ST7: variants seen among roughly 807,000 people sequenced by gnomAD.
ST7 encodes the protein suppressor of tumorigenicity 7 protein.
A neutral mutation model predicts 78.7 loss-of-function variants in ST7; 28 were observed. The ratio of observed to expected loss-of-function variants is 0.36; its 90% CI spans 0.26 to 0.49. ST7 has a LOEUF of 0.49. Ranked by LOEUF, ST7 falls within the 20% of genes least tolerant of loss-of-function variation. ST7 has a pLI of 0.99. For synonymous variants in ST7, 247 were observed against 249.6 expected (o/e 0.99, Z 0.10); for missense variants, 418 against 696.0 (o/e 0.60, Z 4.49).
chr7:117,089,602 C>T lies in ST7; in HGVS notation c.152-10160C>T, dbSNP rs184247943. 4.8e-3 allele frequency among the ~76,000 whole-genome samples: 706 copies of T among 146,930 alleles called. 13 individuals are homozygous for T. Among genetic ancestry groups the T allele is most frequent in the East Asian group, 0.027 (134 of 5,030 alleles). On this transcript the variant is annotated intron_variant, in intron 1 of 15. Coordinates refer to ENST00000323984, the MANE Select transcript of ST7 (RefSeq NM_001369598.1). The stretch of plus-strand genomic sequence containing the variant: ...TTTTTTTTTTTTTGAGATGGAATCT[C>T]GCTCTGTCGCCCAGGCTGGAGTGCA...
chr7:117,021,992 A>G, intron 1 of ST7, among the ~76,000 whole-genome samples: 1 of 152,172 alleles, frequency 6.6e-6, no homozygotes, highest in East Asian at 1.9e-4. Flanking sequence ...TATATACTAA[A>G]GGAAAATTAG....
chr7:117,160,721 T>C, intron 9 of ST7, among the ~76,000 whole-genome samples: 1 of 151,902 alleles, frequency 6.6e-6, no homozygotes. Flanking sequence ...CAGAGAGTCA[T>C]GGATGTGGTT....
At chr7:117,086,428 C>T (rs1024469868) in intron 1 of ST7, among the ~76,000 whole-genome samples, 5 of 152,098 alleles carry the variant, frequency 3.3e-5, no homozygotes, top group African/African-American at 9.7e-5. Context: ...AGGATCTAGG[C>T]GTTAGACAAT....
intron 12 of ST7, among the ~76,000 whole-genome samples, chr7:117,192,227 C>T (rs1208665973): frequency 6.6e-6 from 1 of 152,158 alleles, no homozygotes; most frequent in East Asian, 1.9e-4. Context: ...TCCTGAATTA[C>T]AGTAAACTGA....
intron 1 of ST7, among the ~76,000 whole-genome samples, chr7:117,068,519 G>C (rs1798756197): frequency 6.6e-6 from 1 of 152,132 alleles, no homozygotes; most frequent in Admixed American, 6.5e-5. Flanking sequence ...TTATAATTGA[G>C]CGGTGCTCCT....
At chr7:117,042,824 T>G (rs1457128653) in intron 1 of ST7, among the ~76,000 whole-genome samples, 1 of 152,108 alleles carries the variant, frequency 6.6e-6, no homozygotes, top group Non-Finnish European at 1.5e-5. Flanking sequence ...AGTTAGAGGT[T>G]TTTTTCCTTT....
chr7:117,031,482 A>G lies in ST7; in HGVS notation c.152-68280A>G, dbSNP rs866075997. Reference sequence around the variant, plus strand: ...TGCATATATATGCATATATGTGTGTATATGTGCATATATATGCATATATGT... The same window carrying G: ...TGCATATATATGCATATATGTGTGTGTATGTGCATATATATGCATATATGT... On this transcript the variant is annotated intron_variant, in intron 1 of 15. Coordinates refer to ENST00000323984, the MANE Select transcript of ST7 (RefSeq NM_001369598.1). 1.6e-5 allele frequency among the ~76,000 whole-genome samples: 2 copies of G among 122,242 alleles called. 1 individual carries two copies. Among genetic ancestry groups the G allele is most frequent in the Admixed American group, 1.6e-4 (2 of 12,630 alleles). The allele number at this position is 122,242 out of a possible 152,430, so 80.2% of individuals were successfully genotyped here. A position where few individuals can be genotyped will look rare whatever the true frequency, so the allele number is the denominator to read the frequency against.
intron 1 of ST7, among the ~76,000 whole-genome samples, chr7:117,013,992 T>C (rs1795489463): frequency 6.6e-6 from 1 of 152,182 alleles, no homozygotes; most frequent in South Asian, 2.1e-4. Context: ...TTATAATTTC[T>C]TTTGGAGAAA....
At chr7:116,963,358 G>C (rs918530868) in intron 1 of ST7, among the ~76,000 whole-genome samples, 12 of 152,202 alleles carry the variant, frequency 7.9e-5, no homozygotes, top group Admixed American at 6.5e-4. Context: ...GACAGTTGCT[G>C]ATGTGTTACC....
intron 10 of ST7, among the ~76,000 whole-genome samples, chr7:117,181,580 G>T (rs1808772611): frequency 6.6e-6 from 1 of 152,108 alleles, no homozygotes; most frequent in Non-Finnish European, 1.5e-5. Flanking sequence ...AGAAAATATT[G>T]TATTAATACG....
intron 10 of ST7, among the ~76,000 whole-genome samples, 167 bp from the exon 11 acceptor site, chr7:117,189,154 G>A (rs1319168897): frequency 1.3e-5 from 2 of 152,162 alleles, no homozygotes; most frequent in African/African-American, 4.8e-5. Context: ...CACATACCAC[G>A]TTGATACAGT....
intron 13 of ST7, 109 bp from the exon 14 acceptor site, chr7:117,218,975 C>A: frequency 1.2e-6 from 1 of 805,222 alleles, no homozygotes; most frequent in Non-Finnish European, 2.0e-6. Flanking sequence ...GCCTTGCCTC[C>A]TTTGTAGAAG....
chr7:117,135,964 C>G (rs557495455), intron 7 of ST7, 117 bp from the exon 8 acceptor site: 18 of 1,031,470 alleles, frequency 1.7e-5, no homozygotes, highest in Non-Finnish European at 2.6e-5. Context: ...AGTGCATGAA[C>G]CAGTTGGCCA....
At chr7:117,023,222 T>C (rs762031468) in intron 1 of ST7, among the ~76,000 whole-genome samples, 13 of 152,194 alleles carry the variant, frequency 8.5e-5, no homozygotes, top group Non-Finnish European at 1.6e-4. Flanking sequence ...TGAAATAATA[T>C]TGTTTTAAAT....
chr7:117,071,202 G>A (rs1022261279), intron 1 of ST7, among the ~76,000 whole-genome samples: 5 of 152,108 alleles, frequency 3.3e-5, no homozygotes, highest in African/African-American at 9.7e-5. Context: ...CAGCCTGGGC[G>A]ACAGAGCGAG....
intron 15 of ST7, among the ~76,000 whole-genome samples, chr7:117,225,278 T>C (rs1793365620): frequency 6.6e-6 from 1 of 152,212 alleles, no homozygotes; most frequent in Non-Finnish European, 1.5e-5. Context: ...CATCAAATGA[T>C]TGAATAAAAT....
intron 9 of ST7, among the ~76,000 whole-genome samples, chr7:117,141,668 CT>C (rs1452633342): frequency 6.6e-6 from 1 of 151,608 alleles, no homozygotes; most frequent in Admixed American, 6.6e-5. Flanking sequence ...TTTTTCTTTT[CT>C]TTTTTTCTTT....
At chr7:116,998,235 C>T (rs1043358516) in intron 1 of ST7, among the ~76,000 whole-genome samples, 9 of 152,224 alleles carry the variant, frequency 5.9e-5, no homozygotes, top group African/African-American at 2.2e-4. Flanking sequence ...CAGCTGCTGG[C>T]CTGGGTGCTA....
At chr7:117,159,171 G>A (rs749116599) in intron 9 of ST7, among the ~76,000 whole-genome samples, 2 of 152,172 alleles carry the variant, frequency 1.3e-5, no homozygotes, top group Admixed American at 6.5e-5. Context: ...CATACAGACC[G>A]TAGTTCTAAA....
Sources: allele counts gnomAD v4.1 joint callset (sites outside exome capture counted in the v4.1 genomes callset), GRCh38; gene constraint gnomAD v4.1.1; transcripts MANE v1.5; gene names NCBI Gene and HGNC (gene_info 2026-07-23, HGNC 2026-07-21).